The following RGS6 variants were observed in gnomAD, a reference collection of about 807,000 sequenced individuals.
RGS6 encodes the protein regulator of G-protein signaling 6.
Under a neutral mutation model 78.5 loss-of-function variants are expected in RGS6, and 30 were observed. That is an observed-to-expected ratio of 0.38 (90% confidence interval 0.29 to 0.52). The LOEUF (loss-of-function observed/expected upper bound fraction) is 0.52, where lower values mean the gene tolerates loss of function less well. RGS6 is among the 20% of genes least tolerant of loss of function. The probability of loss-of-function intolerance (pLI) is 0.85; values close to 1 mark genes in which losing one functional copy is unlikely to be tolerated. For synonymous variants in RGS6, 206 were observed against 206.0 expected (o/e 1.00, Z 0.00); for missense variants, 495 against 609.7 (o/e 0.81, Z 1.98).
the RGS6 span, among the ~76,000 whole-genome samples, chr14:71,909,521 GGGGAGAGAAAAAGA>G: frequency 6.6e-6 from 1 of 151,124 alleles, no homozygotes; most frequent in African/African-American, 2.4e-5. Flanking sequence ...CAGAGGGTGT[GGGGAGAGAAAAAGA>G]GGGAGAGACA....
intron 3 of RGS6, among the ~76,000 whole-genome samples, chr14:72,426,414 G>T (rs1263243941): frequency 6.6e-6 from 1 of 152,178 alleles, no homozygotes; most frequent in African/African-American, 2.4e-5. Context: ...GCCGTTGTTG[G>T]CCTGCAAAGG....
upstream of RGS6, among the ~76,000 whole-genome samples, chr14:71,930,754 G>A (rs375997349): frequency 7.1e-4 from 108 of 151,740 alleles, no homozygotes; most frequent in Middle Eastern, 0.01. Flanking sequence ...TGGCCAAGGC[G>A]GGTGGATCAT....
chr14:71,922,798 T>C, the RGS6 span, among the ~76,000 whole-genome samples: 2,879 of 152,248 alleles, frequency 0.019, 93 homozygotes, highest in African/African-American at 0.063. Flanking sequence ...TTGTAGACTG[T>C]ACCATGCTCT....
At chr14:72,273,252 G>A (rs773556592) in intron 2 of RGS6, among the ~76,000 whole-genome samples, 1 of 152,148 alleles carries the variant, frequency 6.6e-6, no homozygotes, top group Non-Finnish European at 1.5e-5. Flanking sequence ...TTGCATTATG[G>A]GTAAGAAACT....
chr14:72,147,315 C>G (rs938049283), intron 2 of RGS6, among the ~76,000 whole-genome samples: 15 of 152,060 alleles, frequency 9.9e-5, no homozygotes, highest in African/African-American at 3.6e-4. Context: ...AATTTTTTGT[C>G]TTAGTTTATT....
chr14:72,600,767 A>G, the RGS6 span, among the ~76,000 whole-genome samples: 1 of 152,124 alleles, frequency 6.6e-6, no homozygotes, highest in Non-Finnish European at 1.5e-5. Flanking sequence ...CAAGGGAGTC[A>G]CAGGAGGGCC....
At chr14:72,616,427 G>C in the RGS6 span, among the ~76,000 whole-genome samples, 4 of 152,170 alleles carry the variant, frequency 2.6e-5, no homozygotes, top group South Asian at 8.3e-4. Context: ...TTCCTTGGTC[G>C]CAGCCCAGCC....
At chr14:72,081,726 C>T (rs555592986) in intron 2 of RGS6, among the ~76,000 whole-genome samples, 1 of 152,122 alleles carries the variant, frequency 6.6e-6, no homozygotes, top group African/African-American at 2.4e-5. Context: ...AATGTCTGAG[C>T]CTTTTTATGC....
chr14:72,246,205 T>C (rs1325275066), intron 2 of RGS6, among the ~76,000 whole-genome samples: 1 of 152,230 alleles, frequency 6.6e-6, no homozygotes, highest in Non-Finnish European at 1.5e-5. Flanking sequence ...TATACTCAGC[T>C]GAGTGTCAAT....
At chr14:71,974,725 A>C (rs1026112490) in intron 2 of RGS6, among the ~76,000 whole-genome samples, 1 of 151,940 alleles carries the variant, frequency 6.6e-6, no homozygotes, top group Non-Finnish European at 1.5e-5. Context: ...GTTTACTCAA[A>C]AGTGATTTTT....
chr14:71,907,947 G>A, the RGS6 span, among the ~76,000 whole-genome samples: 35 of 152,288 alleles, frequency 2.3e-4, no homozygotes, highest in South Asian at 3.1e-3. Flanking sequence ...CAAATAGCAC[G>A]GGTACTGGAT....
At chr14:72,190,882 T>TA (rs1297411643) in intron 2 of RGS6, among the ~76,000 whole-genome samples, 2 of 152,198 alleles carry the variant, frequency 1.3e-5, no homozygotes, top group African/African-American at 4.8e-5. Flanking sequence ...TGTGATTTCT[T>TA]ACGATTAGAG....
chr14:72,356,472 A>G (rs891920291), intron 3 of RGS6, among the ~76,000 whole-genome samples: 3 of 152,230 alleles, frequency 2.0e-5, no homozygotes, highest in African/African-American at 7.2e-5. Flanking sequence ...ATCATTCTTT[A>G]TAACAGTGTG....
intron 2 of RGS6, among the ~76,000 whole-genome samples, chr14:72,052,988 TCTC>T (rs1567106242): frequency 0.052 from 3,395 of 64,916 alleles, 103 homozygotes; most frequent in Non-Finnish European, 0.062. Flanking sequence ...TTTCTTTCTC[TCTC>T]TCTCTCTCTC....
At chr14:72,505,133 T>C (rs553528581) in intron 13 of RGS6, among the ~76,000 whole-genome samples, 5 of 152,066 alleles carry the variant, frequency 3.3e-5, no homozygotes, top group Non-Finnish European at 7.4e-5. Flanking sequence ...TTCATTACAC[T>C]GTAAGCCACG....
At chr14:72,371,618 A>T (rs962362129) in intron 3 of RGS6, among the ~76,000 whole-genome samples, 1 of 152,116 alleles carries the variant, frequency 6.6e-6, no homozygotes, top group Non-Finnish European at 1.5e-5. Context: ...AAAATTAGCC[A>T]GTCATGGTGG....
At chr14:72,065,912 TCCCTCCCC>T (rs1305144581) in intron 2 of RGS6, among the ~76,000 whole-genome samples, 2 of 148,824 alleles carry the variant, frequency 1.3e-5, no homozygotes, top group African/African-American at 5.0e-5. Context: ...CCCGATGCTA[TCCCTCCCC>T]CCCTCCCCCC....
chr14:72,126,401 C>A (rs1369976914), intron 2 of RGS6, among the ~76,000 whole-genome samples: 1 of 152,232 alleles, frequency 6.6e-6, no homozygotes, highest in African/African-American at 2.4e-5. Flanking sequence ...TCCCCACCAT[C>A]TCTAGCCACC....
At chr14:72,224,017 A>G (rs563144578) in intron 2 of RGS6, among the ~76,000 whole-genome samples, 1 of 152,386 alleles carries the variant, frequency 6.6e-6, no homozygotes, top group East Asian at 1.9e-4. Context: ...AACATTTTGT[A>G]GTAAAGTATT....
Sources: gnomAD v4.1 joint callset for allele counts (sites outside exome capture counted in the v4.1 genomes callset) on GRCh38, gnomAD v4.1.1 for gene constraint, MANE v1.5 for transcripts, NCBI Gene and HGNC (gene_info 2026-07-23, HGNC 2026-07-21) for gene names.